Variants in PECR observed in about 807,000 individuals in gnomAD.
PECR encodes the protein 2,4-dienoyl-CoA reductase-related protein.
PECR carries 30 observed loss-of-function variants against 35.3 expected under a neutral mutation model. The observed-to-expected ratio is 0.85, with a 90% CI of 0.64 to 1.15. The LOEUF is 1.15. Ranked by LOEUF, PECR falls within the 50% of genes most tolerant of loss-of-function variation. PECR has a pLI of 0.00. For synonymous variants in PECR, 148 were observed against 138.9 expected (o/e 1.07, Z -0.46); for missense variants, 392 against 370.8 (o/e 1.06, Z -0.47).
Position 216,038,991 on chromosome 2 carries a change from A to C in PECR, c.*284T>G. 3.2e-6 allele frequency: 1 copy of C among 309,558 alleles called. No homozygotes were observed. Among genetic ancestry groups the C allele is most frequent in the Non-Finnish European group, 6.2e-6 (1 of 161,222 alleles). The allele number at this position is 309,558 out of a possible 1,614,324, so 19.2% of individuals were successfully genotyped here. On this transcript the variant is annotated 3_prime_UTR_variant, in exon 8 of 8. Coordinates refer to ENST00000265322, the MANE Select transcript of PECR (RefSeq NM_018441.6). Reference sequence around the variant, plus strand: ...TGATCCCTAGAATTATCATTGATTTAAAATTATTCCATTTTTCAAATACTT... The same window carrying C: ...TGATCCCTAGAATTATCATTGATTTCAAATTATTCCATTTTTCAAATACTT...
chr2:216,056,800 T>C (rs536533259), intron 4 of PECR, among the ~76,000 whole-genome samples: 1 of 151,998 alleles, frequency 6.6e-6, no homozygotes, highest in African/African-American at 2.4e-5. Context: ...CTTCACGAAT[T>C]TTGTTTTGCC....
chr2:216,074,192 C>T (rs1319190386), intron 1 of PECR, among the ~76,000 whole-genome samples: 3 of 152,194 alleles, frequency 2.0e-5, no homozygotes, highest in Non-Finnish European at 2.9e-5. Context: ...TGCCTGTAAT[C>T]CCAACACTTT....
chr2:216,030,051 C>T (rs573630105), intron 7 of PECR, among the ~76,000 whole-genome samples: 1 of 152,188 alleles, frequency 6.6e-6, no homozygotes, highest in Admixed American at 6.5e-5. Context: ...TTTCAACCAC[C>T]TTAAAATTAC....
intron 6 of PECR, among the ~76,000 whole-genome samples, chr2:216,047,126 C>T (rs762693619): frequency 5.3e-5 from 8 of 152,022 alleles, no homozygotes; most frequent in African/African-American, 9.7e-5. Flanking sequence ...GGTGTGGTGG[C>T]GCATGCCTGT....
intron 6 of PECR, among the ~76,000 whole-genome samples, chr2:216,046,189 T>C (rs1164668041): frequency 6.7e-6 from 1 of 150,306 alleles, no homozygotes; most frequent in East Asian, 1.9e-4. Flanking sequence ...ACTCCTTTAT[T>C]ACTATTTTAA....
intron 4 of PECR, among the ~76,000 whole-genome samples, chr2:216,057,147 AC>A (rs1695244324): frequency 6.6e-6 from 1 of 152,196 alleles, no homozygotes; most frequent in South Asian, 2.1e-4. Context: ...TCTTAAAATT[AC>A]AAAGGCATTT....
chr2:216,051,358 C>A (rs1248771059), intron 5 of PECR, 91 bp downstream of exon 5: 14 of 710,880 alleles, frequency 2.0e-5, no homozygotes, highest in African/African-American at 3.6e-5. Context: ...TTATGCTATA[C>A]TTGCTTATTA....
intron 4 of PECR, 39 bp downstream of exon 4, chr2:216,058,856 C>A: frequency 1.7e-6 from 2 of 1,187,630 alleles, no homozygotes; most frequent in Non-Finnish European, 2.5e-6. Flanking sequence ...GAAGACAAAA[C>A]TCAAAGACTT....
Position 216,081,680 on chromosome 2 carries a change from G to A in PECR, c.62C>T (p.Ala21Val), listed in dbSNP as rs1695857060. ...LAPGLLQGQV[A>V]IVTGGATGIG... ...GCCCGTGGCCCCGCCGGTGACGATG[G>A]CCACTTGGCCCTGCAGCAAACCAGG... Residue 21 changes from alanine to valine, a missense_variant, in exon 1 of 8, where the codon GCC becomes GTC. Ala to Val is a moderately conservative substitution (Grantham distance 64, BLOSUM62 0). Transcript: ENST00000265322. The A allele has an allele frequency of 1.2e-6, 2 of 1,613,608 alleles. No individual in the cohort carries two copies. Among genetic ancestry groups the A allele is most frequent in the African/African-American group, 1.3e-5 (1 of 74,936 alleles).
chr2:216,078,411 T>A (rs1357568254), intron 1 of PECR, among the ~76,000 whole-genome samples: 10 of 151,480 alleles, frequency 6.6e-5, no homozygotes, highest in Non-Finnish European at 1.5e-4. Context: ...GGGGGATGGA[T>A]CATAAGGTCA....
chr2:216,042,927 T>TTATATATATACATACGTATATGTG (rs1694912589), intron 7 of PECR, among the ~76,000 whole-genome samples: 3 of 143,356 alleles, frequency 2.1e-5, no homozygotes, highest in Non-Finnish European at 4.6e-5. Flanking sequence ...CGACTAACTG[T>TTATATATATACATACGTATATGTG]TATATATATA....
chr2:216,077,913 T>G (rs1695744853), intron 1 of PECR, among the ~76,000 whole-genome samples: 1 of 151,770 alleles, frequency 6.6e-6, no homozygotes, highest in Non-Finnish European at 1.5e-5. Context: ...TTATGAGTAA[T>G]TAAAATTGTC....
chr2:216,053,942 GT>G (rs1232191783), intron 4 of PECR, among the ~76,000 whole-genome samples: 1 of 152,070 alleles, frequency 6.6e-6, no homozygotes, highest in Non-Finnish European at 1.5e-5. Flanking sequence ...CTGGTGTATT[GT>G]TTTTCTCCCA....
intron 1 of PECR, among the ~76,000 whole-genome samples, chr2:216,068,804 ATTTT>A (rs36012588): frequency 2.6e-5 from 2 of 76,086 alleles, no homozygotes; most frequent in Non-Finnish European, 5.0e-5. Flanking sequence ...TATCTGGCCA[ATTTT>A]TTTTTTTTTT....
At chr2:216,035,067 G>A (rs1418812620), downstream of PECR, among the ~76,000 whole-genome samples, 1 of 152,216 alleles carries the variant, frequency 6.6e-6, no homozygotes, top group African/African-American at 2.4e-5. Flanking sequence ...ATGGGCCACA[G>A]GACGGCCAGT....
chr2:216,051,595 C>A, intron 4 of PECR, 50 bp from the exon 5 acceptor site: 1 of 1,148,690 alleles, frequency 8.7e-7, no homozygotes, highest in Non-Finnish European at 1.3e-6. Context: ...TTGAATATTT[C>A]TCTTGTTCAT....
At chr2:216,063,303 T>A (rs193018567) in intron 3 of PECR, among the ~76,000 whole-genome samples, 62 of 152,268 alleles carry the variant, frequency 4.1e-4, no homozygotes, top group African/African-American at 1.4e-3. Flanking sequence ...TGGTTTTCAG[T>A]TTTTCACTAT....
At chr2:216,040,559 C>T (rs1694869873) in intron 7 of PECR, among the ~76,000 whole-genome samples, 1 of 152,148 alleles carries the variant, frequency 6.6e-6, no homozygotes, top group Non-Finnish European at 1.5e-5. Flanking sequence ...CAGCCCCTGA[C>T]ATAGGGATTT....
At chr2:216,068,724 A>C (rs1292937182) in intron 1 of PECR, among the ~76,000 whole-genome samples, 1 of 150,298 alleles carries the variant, frequency 6.7e-6, no homozygotes, top group Admixed American at 6.6e-5. Flanking sequence ...TGCAGCCTTG[A>C]CCTTCCAGGA....
Sources: allele counts gnomAD v4.1 joint callset (sites outside exome capture counted in the v4.1 genomes callset), GRCh38; gene constraint gnomAD v4.1.1; transcripts MANE v1.5; gene names NCBI Gene and HGNC (gene_info 2026-07-23, HGNC 2026-07-21).